SOX6: variants seen among roughly 807,000 people sequenced by gnomAD.
SOX6 encodes SRY-box transcription factor 6.
Under a neutral mutation model 97.8 loss-of-function variants are expected in SOX6, and 11 were observed. The observed-to-expected ratio is 0.11, with a 90% CI of 0.07 to 0.19. SOX6 has a LOEUF of 0.19. SOX6 is among the 10% of genes least tolerant of loss of function. SOX6 has a pLI of 1.00. For synonymous variants in SOX6, 360 were observed against 371.4 expected, an observed-to-expected ratio of 0.97 and a Z score of 0.35; for missense variants, 810 against 1,039.5, an observed-to-expected ratio of 0.78 and a Z score of 3.04.
At chr11:16,633,300 T>C (rs1848739165) in intron 3 of SOX6, among the ~76,000 whole-genome samples, 1 of 152,236 alleles carries the variant, frequency 6.6e-6, no homozygotes, top group African/African-American at 2.4e-5. Context: ...ATTCATTTTA[T>C]TGTCAATGCT....
At chr11:16,159,676 G>A (rs971479758) in intron 6 of SOX6, among the ~76,000 whole-genome samples, 1 of 151,962 alleles carries the variant, frequency 6.6e-6, no homozygotes, top group Non-Finnish European at 1.5e-5. Context: ...GGGAATTTTG[G>A]GTTAAATTTA....
At chr11:16,409,586 T>G (rs1294928240) in intron 1 of SOX6, among the ~76,000 whole-genome samples, 1 of 152,136 alleles carries the variant, frequency 6.6e-6, no homozygotes, top group African/African-American at 2.4e-5. Context: ...ATCCTTTAAA[T>G]TTTAACTAAT....
intron 1 of SOX6, among the ~76,000 whole-genome samples, chr11:16,452,345 T>G (rs993356919): frequency 1.3e-5 from 2 of 152,106 alleles, no homozygotes; most frequent in Non-Finnish European, 2.9e-5. Context: ...AAAATAAACA[T>G]ATTTGGAAAA....
At chr11:16,439,136 G>A (rs2133084004) in intron 1 of SOX6, among the ~76,000 whole-genome samples, 1 of 152,136 alleles carries the variant, frequency 6.6e-6, no homozygotes, top group East Asian at 1.9e-4. Context: ...AAAGCTGAAT[G>A]GCCAACAGAA....
intron 1 of SOX6, among the ~76,000 whole-genome samples, chr11:16,342,835 T>C (rs1856674481): frequency 6.6e-6 from 1 of 151,838 alleles, no homozygotes; most frequent in South Asian, 2.1e-4. Flanking sequence ...GCTTTTGAAG[T>C]GCTTTGAAAC....
chr11:16,250,370 A>T (rs749096069), intron 3 of SOX6, among the ~76,000 whole-genome samples: 1 of 152,176 alleles, frequency 6.6e-6, no homozygotes. Flanking sequence ...TAAGCTTAAA[A>T]CCTAGCATTA....
intron 6 of SOX6, among the ~76,000 whole-genome samples, chr11:16,181,719 C>T (rs1365163572): frequency 6.6e-6 from 1 of 151,596 alleles, no homozygotes; most frequent in East Asian, 1.9e-4. Context: ...ACAAGATATG[C>T]CATAAAGCAG....
intron 3 of SOX6, among the ~76,000 whole-genome samples, chr11:16,683,901 C>T (rs1253703117): frequency 1.3e-5 from 2 of 152,210 alleles, no homozygotes; most frequent in East Asian, 3.9e-4. Context: ...AAAAAACAAA[C>T]AACTCCATCA....
chr11:16,107,395 GTATA>G (rs199589880), intron 7 of SOX6, among the ~76,000 whole-genome samples: 1 of 140,846 alleles, frequency 7.1e-6, no homozygotes, highest in Admixed American at 7.1e-5. Context: ...ACATATATAT[GTATA>G]TATATGTATA....
intron 3 of SOX6, among the ~76,000 whole-genome samples, chr11:16,302,509 A>G (rs1269774374): frequency 6.6e-6 from 1 of 151,190 alleles, no homozygotes; most frequent in Non-Finnish European, 1.5e-5. Context: ...ATTTAGATCT[A>G]GAAAAAAATT....
chr11:16,375,691 C>A (rs1458960576), intron 1 of SOX6, among the ~76,000 whole-genome samples: 2 of 152,074 alleles, frequency 1.3e-5, no homozygotes, highest in African/African-American at 2.4e-5. Flanking sequence ...ACCCAGCAAT[C>A]CCAAAGGAAT....
intron 4 of SOX6, among the ~76,000 whole-genome samples, chr11:16,556,445 G>A (rs977249130): frequency 1.3e-5 from 2 of 151,552 alleles, no homozygotes; most frequent in African/African-American, 4.8e-5. Context: ...CTTCAACTTC[G>A]TCCCTTGGCC....
intron 4 of SOX6, among the ~76,000 whole-genome samples, chr11:16,190,172 T>C (rs1363228464): frequency 6.6e-6 from 1 of 152,208 alleles, no homozygotes; most frequent in African/African-American, 2.4e-5. Context: ...CTGAATCCAA[T>C]TGTAAACAGT....
At chr11:16,570,742 C>A (rs1847930048) in intron 4 of SOX6, among the ~76,000 whole-genome samples, 1 of 152,106 alleles carries the variant, frequency 6.6e-6, no homozygotes, top group Non-Finnish European at 1.5e-5. Context: ...TCTCTCAGTC[C>A]TTCAGTTAAT....
intron 5 of SOX6, among the ~76,000 whole-genome samples, chr11:16,185,227 CCTT>C (rs1390435320): frequency 6.6e-6 from 1 of 152,146 alleles, no homozygotes; most frequent in African/African-American, 2.4e-5. Flanking sequence ...TGAGACTCCT[CCTT>C]GTCAGAGCTT....
At chr11:16,324,186 AAAACAAAC>A (rs991365535) in intron 2 of SOX6, among the ~76,000 whole-genome samples, 1 of 152,042 alleles carries the variant, frequency 6.6e-6, no homozygotes. Context: ...TCTGTCTCTC[AAAACAAAC>A]AAACAAACAA....
intron 1 of SOX6, among the ~76,000 whole-genome samples, chr11:16,392,495 T>C (rs1003995126): frequency 6.6e-6 from 1 of 152,194 alleles, no homozygotes; most frequent in Non-Finnish European, 1.5e-5. Flanking sequence ...TGATCTATTA[T>C]CTTTTTAATG....
At chr11:16,679,845 G>C (rs1206746444) in intron 3 of SOX6, among the ~76,000 whole-genome samples, 2 of 152,150 alleles carry the variant, frequency 1.3e-5, no homozygotes, top group African/African-American at 4.8e-5. Flanking sequence ...TGATCAAGTG[G>C]AAGAAAGGAT....
At chr11:16,064,518 ACATATATATATATATATGAAGC>A (rs1386612510) in intron 9 of SOX6, among the ~76,000 whole-genome samples, 4 of 143,232 alleles carry the variant, frequency 2.8e-5, no homozygotes, top group African/African-American at 1.1e-4. Flanking sequence ...ACAAAGCCAT[ACATATATATATATATATGAAGC>A]CATATATATA....
Sources: allele counts gnomAD v4.1 joint callset (sites outside exome capture counted in the v4.1 genomes callset), GRCh38; gene constraint gnomAD v4.1.1; transcripts MANE v1.5; gene names NCBI Gene and HGNC (gene_info 2026-07-23, HGNC 2026-07-21).